Variants in DNAI7 observed in about 807,000 individuals in gnomAD.
DNAI7 encodes the protein dynein axonemal intermediate chain 7, also known as cancer susceptibility 1.
A neutral mutation model predicts 86.6 loss-of-function variants in DNAI7; 78 were observed. That is an observed-to-expected ratio of 0.90 (90% CI 0.75 to 1.09). DNAI7 has a LOEUF of 1.09. Ranked by LOEUF, DNAI7 falls within the 50% of genes least tolerant of loss-of-function variation. The probability of loss-of-function intolerance (pLI) is 0.00; values close to 1 mark genes in which losing one functional copy is unlikely to be tolerated. For missense variants in DNAI7, 753 were observed against 810.2 expected (o/e 0.93, Z 0.86); for synonymous variants, 274 against 273.0 (o/e 1.00, Z -0.04).
chr12:25,174,748 T>C (rs958840230), intron 2 of DNAI7, among the ~76,000 whole-genome samples: 2 of 144,304 alleles, frequency 1.4e-5, no homozygotes, highest in African/African-American at 5.2e-5. Context: ...AATATATATA[T>C]CATATATATA....
At chr12:25,141,444 G>A (rs922658701) in intron 9 of DNAI7, among the ~76,000 whole-genome samples, 15 of 152,086 alleles carry the variant, frequency 9.9e-5, no homozygotes, top group Non-Finnish European at 1.8e-4. Flanking sequence ...TATACAAATC[G>A]CCAAGAAACA....
intron 9 of DNAI7, among the ~76,000 whole-genome samples, chr12:25,143,649 G>A (rs1278811469): frequency 6.6e-6 from 1 of 151,976 alleles, no homozygotes; most frequent in African/African-American, 2.4e-5. Flanking sequence ...ATCCTTTCCT[G>A]TGTTTAAAGA....
intron 4 of DNAI7, among the ~76,000 whole-genome samples, chr12:25,155,997 C>CA (rs1946118618): frequency 6.6e-6 from 1 of 151,842 alleles, no homozygotes. Flanking sequence ...CCCAGCTACT[C>CA]AGGAGGCTGA....
At chr12:25,114,929 A>G in intron 12 of DNAI7, 59 bp from the exon 13 acceptor site, 5 of 1,321,216 alleles carry the variant, frequency 3.8e-6, no homozygotes, top group Non-Finnish European at 5.3e-6. Flanking sequence ...AAAAAAAGAT[A>G]AATGAAAGCA....
intron 9 of DNAI7, among the ~76,000 whole-genome samples, chr12:25,124,994 T>C (rs978890178): frequency 4.6e-5 from 7 of 152,168 alleles, no homozygotes; most frequent in Non-Finnish European, 8.8e-5. Flanking sequence ...GGTGGGTATG[T>C]ACATTTTCTT....
chr12:25,135,055 C>G (rs1327211639), intron 9 of DNAI7, among the ~76,000 whole-genome samples: 2 of 152,168 alleles, frequency 1.3e-5, no homozygotes, highest in African/African-American at 4.8e-5. Context: ...CCAAGAACTA[C>G]TGCAGGAACA....
intron 9 of DNAI7, among the ~76,000 whole-genome samples, chr12:25,141,603 G>A (rs1944191732): frequency 1.3e-5 from 2 of 152,294 alleles, no homozygotes; most frequent in East Asian, 3.9e-4. Context: ...GGCCAAGGCA[G>A]GTGGACCATG....
downstream of DNAI7, chr12:25,108,053 C>T (rs766913522): frequency 2.5e-6 from 4 of 1,613,346 alleles, no homozygotes; most frequent in African/African-American, 2.7e-5. Context: ...GGGCCACCAC[C>T]AGTGTGACAG....
rs74073308 is a variant in DNAI7, at chr12:25,110,759, T to C, written c.1780-519A>G. ...GCCTCACTATTCCGGATCTACCTTTTCTTTTTTTCCATAGCACTTTTCACC... is the reference window on the plus strand; with the variant it reads ...GCCTCACTATTCCGGATCTACCTTTCCTTTTTTTCCATAGCACTTTTCACC... On this transcript the variant is annotated intron_variant, in intron 14 of 15. Coordinates refer to ENST00000395987, the MANE Select transcript of DNAI7 (RefSeq NM_018272.5). Among the ~76,000 whole-genome samples, 688 of 152,342 alleles carry C rather than the reference T, an allele frequency of 4.5e-3. 5 individuals carry two copies. The highest frequency in any genetic ancestry group is 0.016 in the African/African-American group (648 of 41,580).
intron 13 of DNAI7, among the ~76,000 whole-genome samples, chr12:25,112,485 C>T (rs1029822799): frequency 2.1e-5 from 3 of 140,740 alleles, no homozygotes; most frequent in South Asian, 4.6e-4. Flanking sequence ...TGGCTCACTG[C>T]AAGCTCTGCC....
At chr12:25,166,904 C>G (rs193205411) in intron 2 of DNAI7, among the ~76,000 whole-genome samples, 35 of 152,262 alleles carry the variant, frequency 2.3e-4, no homozygotes, top group African/African-American at 8.2e-4. Flanking sequence ...CCACCTGATG[C>G]ATATACTTTC....
chr12:25,190,820 G>T (rs1158449085), intron 1 of DNAI7, among the ~76,000 whole-genome samples, 189 bp from the exon 2 acceptor site: 1 of 152,140 alleles, frequency 6.6e-6, no homozygotes, highest in Non-Finnish European at 1.5e-5. Flanking sequence ...TTTAAAAAGA[G>T]TTCAGACAAA....
intron 2 of DNAI7, among the ~76,000 whole-genome samples, chr12:25,174,625 G>GGATATATATAT: frequency 1.2e-5 from 1 of 81,168 alleles, no homozygotes; most frequent in Admixed American, 1.3e-4. Flanking sequence ...CATATATATG[G>GGATATATATAT]GATATATATC....
intron 9 of DNAI7, among the ~76,000 whole-genome samples, chr12:25,123,584 A>G (rs1941653555): frequency 6.6e-6 from 1 of 152,194 alleles, no homozygotes; most frequent in Admixed American, 6.5e-5. Flanking sequence ...AATATTATTT[A>G]TATTTGCATT....
At chr12:25,151,140 C>G (rs920287644) in intron 6 of DNAI7, among the ~76,000 whole-genome samples, 1 of 152,136 alleles carries the variant, frequency 6.6e-6, no homozygotes, top group African/African-American at 2.4e-5. Context: ...AGTATGGACT[C>G]AAACAAGAAT....
At chr12:25,180,365 A>G (rs1488331889) in intron 2 of DNAI7, among the ~76,000 whole-genome samples, 4 of 152,232 alleles carry the variant, frequency 2.6e-5, no homozygotes, top group Non-Finnish European at 5.9e-5. Flanking sequence ...CACACTGCCC[A>G]AAGCAATCTA....
intron 3 of DNAI7, among the ~76,000 whole-genome samples, chr12:25,160,483 G>A (rs1391712999): frequency 1.3e-5 from 2 of 151,950 alleles, no homozygotes; most frequent in Non-Finnish European, 2.9e-5. Flanking sequence ...AACTCATTCC[G>A]ATTACCTGCT....
chr12:25,164,527 A>G (rs1487578336), intron 2 of DNAI7, among the ~76,000 whole-genome samples: 4 of 152,134 alleles, frequency 2.6e-5, no homozygotes, highest in Non-Finnish European at 5.9e-5. Context: ...GCTTGACCCC[A>G]ATACAAACTT....
intron 2 of DNAI7, among the ~76,000 whole-genome samples, chr12:25,165,809 T>C (rs1179706099): frequency 6.6e-6 from 1 of 152,212 alleles, no homozygotes; most frequent in Non-Finnish European, 1.5e-5. Flanking sequence ...GCCAGGCTTC[T>C]AAACCTCTTA....
Sources: gnomAD v4.1 joint callset for allele counts (sites outside exome capture counted in the v4.1 genomes callset) on GRCh38, gnomAD v4.1.1 for gene constraint, MANE v1.5 for transcripts, NCBI Gene and HGNC (gene_info 2026-07-23, HGNC 2026-07-21) for gene names.